AFF1: variants seen among roughly 807,000 people sequenced by gnomAD.
AFF1 encodes the protein ALF transcription elongation factor 1.
A neutral mutation model predicts 121.7 loss-of-function variants in AFF1; 48 were observed. The observed-to-expected ratio is 0.39, with a 90% CI of 0.31 to 0.50. AFF1 has a LOEUF of 0.50. Ranked by LOEUF, AFF1 falls within the 20% of genes least tolerant of loss-of-function variation. AFF1 has a pLI of 0.76. For missense variants in AFF1, 1,523 were observed against 1,511.7 expected, an observed-to-expected ratio of 1.01 and a Z score of -0.12; for synonymous variants, 613 against 563.0, an observed-to-expected ratio of 1.09 and a Z score of -1.26.
At chr4:87,106,002 T>G (rs1330906823) in intron 10 of AFF1, among the ~76,000 whole-genome samples, 157 bp downstream of exon 10, 1 of 152,226 alleles carries the variant, frequency 6.6e-6, no homozygotes, top group Non-Finnish European at 1.5e-5. Flanking sequence ...TTTTGGAAGC[T>G]TAAATCAGCC....
rs11448202 is a variant in AFF1, at chr4:87,127,011, A to ATT, written c.2812-6_2812-5dup. 8.1e-4 allele frequency: 1,225 copies of ATT among 1,509,352 alleles called. No homozygotes were observed. Among genetic ancestry groups the ATT allele is most frequent in the East Asian group, 3.5e-3 (147 of 41,944 alleles). 93.5% of individuals were successfully genotyped at this position (1,509,352 alleles called of 1,614,324 possible). A position where few individuals can be genotyped will look rare whatever the true frequency, so the allele number is the denominator to read the frequency against. On this transcript the variant is annotated splice_polypyrimidine_tract_variant and intron_variant, in intron 14 of 20. Transcript: ENST00000395146. ...ATGTTAGAGTGTAATCTGTATATTG[A>ATT]TTTTTTTTTTGAAGGGTTCTTCCGG...
rs571671073 is a variant in AFF1 at position 87,047,611 on chromosome 4, A to G, written c.1059+17A>G. 36 of 1,613,954 alleles carry G rather than the reference A, an allele frequency of 2.2e-5. No homozygotes were observed. The South Asian group carries it at 2.7e-4, about 12-fold the overall frequency. On this transcript the variant is annotated intron_variant, in intron 4 of 20. Coordinates refer to ENST00000395146, the MANE Select transcript of AFF1 (RefSeq NM_001166693.3). ...TCAGTTGAGGTGTGTGGAATTTCTT[A>G]TCTTGGGGAATTCCAATTCGAAGAC...
At chr4:87,007,535 A>G in intron 2 of AFF1, 1 of 1,416,126 alleles carries the variant, frequency 7.1e-7, no homozygotes, top group South Asian at 1.2e-5. Context: ...CAGCTTTGTC[A>G]TTGCCTTCTC....
At chr4:87,007,692 T>C (rs770556250) in intron 2 of AFF1, among the ~76,000 whole-genome samples, 5 of 152,202 alleles carry the variant, frequency 3.3e-5, no homozygotes, top group African/African-American at 4.8e-5. Context: ...AGAACTGTTA[T>C]TTTCCGGGAC....
chr4:87,089,927 G>T, intron 5 of AFF1, 57 bp from the exon 6 acceptor site: 2 of 1,267,278 alleles, frequency 1.6e-6, no homozygotes, highest in East Asian at 2.4e-5. Context: ...ATGTTAAGTA[G>T]CAATGAATGT....
At chr4:87,074,014 G>T (rs190720409) in intron 4 of AFF1, among the ~76,000 whole-genome samples, 1 of 152,162 alleles carries the variant, frequency 6.6e-6, no homozygotes, top group Admixed American at 6.5e-5. Flanking sequence ...GGACTGGATG[G>T]GGTGGGTGCA....
At chr4:87,097,682 A>G (rs540024654) in intron 8 of AFF1, among the ~76,000 whole-genome samples, 29 of 152,186 alleles carry the variant, frequency 1.9e-4, no homozygotes, top group Middle Eastern at 3.2e-3. Context: ...AGTGATACTG[A>G]GGCCGAGTAG....
intron 2 of AFF1, among the ~76,000 whole-genome samples, chr4:87,014,860 A>C (rs574749814): frequency 5.8e-4 from 89 of 152,294 alleles, no homozygotes; most frequent in African/African-American, 2.0e-3. Context: ...AAGTGGTATA[A>C]AATTAATTAG....
chr4:87,104,853 T>C (rs1560628610), intron 8 of AFF1, among the ~76,000 whole-genome samples: 3 of 148,116 alleles, frequency 2.0e-5, no homozygotes, highest in Non-Finnish European at 4.5e-5. Context: ...TTAATCCAAG[T>C]TTGAGGAAAT....
Position 87,134,762 on chromosome 4 carries a change from T to A in AFF1, c.3535+68T>A. 7 of 1,334,866 alleles carry A rather than the reference T, an allele frequency of 5.2e-6. No homozygotes were observed. In the South Asian group the frequency reaches 6.4e-5, roughly 12 times the overall value. 82.7% of individuals were successfully genotyped at this position (1,334,866 alleles called of 1,614,324 possible). On this transcript the variant is annotated intron_variant, in intron 20 of 20. Transcript: ENST00000395146. ...ATTGGGAGGAATAAACATTGGTTTATATTTTATAAGTTCAGTTTCTTGGAG... is the reference window on the plus strand; with the variant it reads ...ATTGGGAGGAATAAACATTGGTTTAAATTTTATAAGTTCAGTTTCTTGGAG...
Position 87,114,897 on chromosome 4 carries a change from G to A in AFF1, c.2064G>A (p.Lys688=), listed in dbSNP as rs781006604. The change falls in exon 12 of 21, where the codon AAG becomes AAA. Residue 688 remains lysine (K), a synonymous_variant. Coordinates refer to ENST00000395146, the MANE Select transcript of AFF1 (RefSeq NM_001166693.3). The stretch of plus-strand genomic sequence containing the variant: ...AGAGCTCCCTCCCTGCCCCCTCTAA[G>A]GCTCTCTCAGGCCCAGAACCCGCGA... The part of the protein sequence containing the change: ...KHKSSLPAPS[K]ALSGPEPAKD... 6.2e-7 allele frequency: 1 copy of A among 1,612,780 alleles called. No individual in the cohort carries two copies. The highest frequency in any genetic ancestry group is 8.5e-7 in the Non-Finnish European group (1 of 1,179,476).
chr4:87,129,389 CAG>C (rs1265313107), intron 16 of AFF1, among the ~76,000 whole-genome samples: 31 of 152,202 alleles, frequency 2.0e-4, no homozygotes, highest in African/African-American at 7.0e-4. Context: ...CATGGAATCA[CAG>C]AAATATGGAC....
intron 2 of AFF1, among the ~76,000 whole-genome samples, chr4:86,988,543 G>A (rs1472447250): frequency 1.3e-5 from 2 of 152,098 alleles, no homozygotes; most frequent in Non-Finnish European, 2.9e-5. Context: ...AATAAGAGAG[G>A]ACACAAACAA....
At position 87,136,538 on chromosome 4, in the gene AFF1, ACTCT is replaced by A. The variant is rs1396946473; in HGVS notation, c.*840_*843del. 8.6e-6 allele frequency: 2 copies of A among 232,096 alleles called. No individual in the cohort carries two copies. The highest frequency in any genetic ancestry group is 1.8e-4 in the South Asian group (1 of 5,510). 14.4% of individuals were successfully genotyped at this position (232,096 alleles called of 1,614,324 possible). On this transcript the variant is annotated 3_prime_UTR_variant, in exon 21 of 21. Coordinates refer to ENST00000395146, the MANE Select transcript of AFF1 (RefSeq NM_001166693.3). ...TCCCACCCCTGCTTCAGCGAAAGGG[ACTCT>A]CTAACAGGGCAGTCACTGTTGACTC...
At chr4:87,090,568 T>TA (rs1193284607) in intron 6 of AFF1, among the ~76,000 whole-genome samples, 1 of 152,246 alleles carries the variant, frequency 6.6e-6, no homozygotes, top group Non-Finnish European at 1.5e-5. Context: ...TCCTTTTTTT[T>TA]AATTTATACT....
At chr4:86,968,921 G>A (rs1308546303) in intron 2 of AFF1, among the ~76,000 whole-genome samples, 1 of 152,200 alleles carries the variant, frequency 6.6e-6, no homozygotes, top group Non-Finnish European at 1.5e-5. Context: ...GACAGAGTGA[G>A]ATGGCACAGT....
intron 16 of AFF1, among the ~76,000 whole-genome samples, chr4:87,130,557 G>A (rs1728732969): frequency 6.6e-6 from 1 of 152,200 alleles, no homozygotes. Flanking sequence ...GGCCTCGGAG[G>A]ATGGTTTTGT....
At chr4:86,969,879 C>CAAAAAAACAAAAAAAAAA (rs1722815078) in intron 2 of AFF1, among the ~76,000 whole-genome samples, 1 of 63,610 alleles carries the variant, frequency 1.6e-5, no homozygotes, top group South Asian at 8.8e-4. Context: ...GACTCCGTCT[C>CAAAAAAACAAAAAAAAAA]AAAAAAAAAA....
chr4:86,972,334 A>G (rs1723006470), intron 2 of AFF1, among the ~76,000 whole-genome samples: 1 of 151,834 alleles, frequency 6.6e-6, no homozygotes, highest in African/African-American at 2.4e-5. Context: ...AGTAGATGGA[A>G]CCATTCCATC....
Sources: allele counts gnomAD v4.1 joint callset (sites outside exome capture counted in the v4.1 genomes callset), GRCh38; gene constraint gnomAD v4.1.1; transcripts MANE v1.5; gene names NCBI Gene and HGNC (gene_info 2026-07-23, HGNC 2026-07-21).